NPAS2: variants seen among roughly 807,000 people sequenced by gnomAD.
NPAS2 encodes neuronal PAS domain-containing protein 2.
Under a neutral mutation model 107.5 loss-of-function variants are expected in NPAS2, and 23 were observed. The ratio of observed to expected loss-of-function variants is 0.21; its 90% CI spans 0.15 to 0.30. The LOEUF (loss-of-function observed/expected upper bound fraction) is 0.30. NPAS2 is among the 10% of genes least tolerant of loss of function. The pLI is 1.00. For missense variants in NPAS2, 756 were observed against 1,043.3 expected (o/e 0.72, Z 3.79); for synonymous variants, 403 against 417.5 (o/e 0.97, Z 0.42).
intron 16 of NPAS2, chr2:100,984,910 T>G (rs992949086): frequency 1.3e-5 from 2 of 152,162 alleles, no homozygotes; most frequent in Admixed American, 6.5e-5. Flanking sequence ...GAAGAAGTCC[T>G]GAAGGGCTGT....
intron 2 of NPAS2, among the ~76,000 whole-genome samples, chr2:100,920,260 C>T (rs771240987): frequency 2.0e-5 from 3 of 152,030 alleles, no homozygotes; most frequent in South Asian, 2.1e-4. Context: ...TTAATAATAA[C>T]GTACAGTGTT....
intron 5 of NPAS2, among the ~76,000 whole-genome samples, chr2:100,941,332 G>C (rs1674563859): frequency 2.0e-5 from 3 of 152,236 alleles, no homozygotes; most frequent in Admixed American, 2.0e-4. Flanking sequence ...GGGAGACTGA[G>C]CTGGGTGGAT....
intron 1 of NPAS2, among the ~76,000 whole-genome samples, chr2:100,850,606 A>G (rs1203494682): frequency 1.3e-5 from 2 of 152,172 alleles, no homozygotes; most frequent in Non-Finnish European, 2.9e-5. Context: ...CACTGGATGA[A>G]TGGATAAATA....
chr2:100,989,092 G>T (rs1414211397), intron 17 of NPAS2: 2 of 166,334 alleles, frequency 1.2e-5, no homozygotes, highest in East Asian at 1.9e-4. Flanking sequence ...GGACAAAATC[G>T]CCAGCAGATA....
intron 10 of NPAS2, among the ~76,000 whole-genome samples, chr2:100,967,747 G>A (rs1198281445): frequency 6.6e-6 from 1 of 152,124 alleles, no homozygotes; most frequent in Non-Finnish European, 1.5e-5. Context: ...CACTATGGGG[G>A]GGCTGCAAGC....
intron 1 of NPAS2, among the ~76,000 whole-genome samples, chr2:100,865,629 C>T (rs187218571): frequency 2.2e-4 from 33 of 152,132 alleles, no homozygotes; most frequent in Non-Finnish European, 3.7e-4. Context: ...TGTTGAAAAT[C>T]CACCTTCTGA....
At chr2:100,955,137 C>T (rs1675494375) in intron 7 of NPAS2, among the ~76,000 whole-genome samples, 2 of 152,108 alleles carry the variant, frequency 1.3e-5, no homozygotes, top group African/African-American at 4.8e-5. Flanking sequence ...GGCCTATCTG[C>T]TGTATTTTTA....
intron 4 of NPAS2, among the ~76,000 whole-genome samples, chr2:100,933,585 A>G (rs917873756): frequency 2.0e-5 from 3 of 151,918 alleles, no homozygotes; most frequent in African/African-American, 7.3e-5. Context: ...GAGGCCCCAT[A>G]CTCATCTACA....
rs77169462 is a variant in NPAS2, at chr2:100,884,798, A to G, written c.-22-19935A>G. Among the ~76,000 whole-genome samples the G allele has an allele frequency of 4.3e-4, 66 of 152,298 alleles. No individual in the cohort carries two copies. The East Asian group carries it at 0.012, about 29-fold the overall frequency. ...CAAAGGAGTGATTTAGTAAGAGTAT[A>G]GGTAAAGAAGGGAGAAAATATTAGT... On this transcript the variant is annotated intron_variant, in intron 1 of 20. Transcript: ENST00000335681.
In NPAS2 at chr2:100,908,331, C is replaced by T. The variant is rs1275519503; in HGVS notation, c.32+3545C>T. Among the ~76,000 whole-genome samples, 4 of 152,030 alleles carry T rather than the reference C, an allele frequency of 2.6e-5. No individual in the cohort carries two copies. In the East Asian group the frequency reaches 5.8e-4, roughly 22 times the overall value. On this transcript the variant is annotated intron_variant, in intron 2 of 20. Coordinates refer to ENST00000335681, the MANE Select transcript of NPAS2 (RefSeq NM_002518.4). The stretch of plus-strand genomic sequence containing the variant: ...CAGAGCGCTCACAGCCTGCCTGGAG[C>T]ATTTTACATGCAGTAATTCTCCAAG...
At chr2:100,964,331 C>T (rs980913853) in intron 8 of NPAS2, among the ~76,000 whole-genome samples, 155 bp downstream of exon 8, 3 of 152,206 alleles carry the variant, frequency 2.0e-5, no homozygotes, top group South Asian at 2.1e-4. Context: ...CCTGCACACA[C>T]GCCCTTTCCC....
At chr2:100,948,803 A>G (rs967693401) in intron 6 of NPAS2, among the ~76,000 whole-genome samples, 4 of 152,200 alleles carry the variant, frequency 2.6e-5, no homozygotes, top group African/African-American at 9.6e-5. Context: ...GGTTATTTAT[A>G]TACATTTTTG....
At chr2:100,945,324 G>T (rs78622638) in intron 5 of NPAS2, among the ~76,000 whole-genome samples, 1 of 152,056 alleles carries the variant, frequency 6.6e-6, no homozygotes, top group Non-Finnish European at 1.5e-5. Context: ...GCTTCCCAAC[G>T]TGTCTTCCCC....
chr2:100,904,711 A>ATTTTT (rs57350721), intron 1 of NPAS2, 22 bp from the exon 2 acceptor site: 21 of 1,267,794 alleles, frequency 1.7e-5, no homozygotes, highest in Middle Eastern at 2.0e-4. Flanking sequence ...ATTCTTTTTA[A>ATTTTT]TTTTTTTTTT....
In NPAS2 at chr2:100,861,582, G is replaced by C. The variant is rs545002605; in HGVS notation, c.-23+41168G>C. On this transcript the variant is annotated intron_variant, in intron 1 of 20. Coordinates refer to ENST00000335681, the MANE Select transcript of NPAS2 (RefSeq NM_002518.4). ...TGTCAGCCAGGCAGTCATGTGAGGGGCAGGTGGGCTCAGGGGTCTGGGACA... is the reference window on the plus strand; with the variant it reads ...TGTCAGCCAGGCAGTCATGTGAGGGCCAGGTGGGCTCAGGGGTCTGGGACA... Among the ~76,000 whole-genome samples the C allele has an allele frequency of 2.6e-5, 4 of 152,258 alleles. No individual in the cohort carries two copies. In the East Asian group the frequency reaches 7.7e-4, roughly 29 times the overall value.
chr2:100,879,441 C>T (rs1445470141), intron 1 of NPAS2, among the ~76,000 whole-genome samples: 1 of 151,968 alleles, frequency 6.6e-6, no homozygotes, highest in Non-Finnish European at 1.5e-5. Flanking sequence ...GCCTTGCTGA[C>T]CCCCCCTCAC....
chr2:100,910,832 GTCT>G (rs745672129), intron 2 of NPAS2, among the ~76,000 whole-genome samples: 15 of 152,158 alleles, frequency 9.9e-5, no homozygotes, highest in African/African-American at 3.4e-4. Flanking sequence ...CCAGCCTAAT[GTCT>G]TCTTCTTACA....
intron 11 of NPAS2, among the ~76,000 whole-genome samples, chr2:100,970,220 A>C (rs1676458469): frequency 6.6e-6 from 1 of 152,160 alleles, no homozygotes; most frequent in Admixed American, 6.5e-5. Flanking sequence ...ACCCCCAGGG[A>C]AGGCTGGGCA....
At chr2:100,836,856 G>T (rs1012856102) in intron 1 of NPAS2, among the ~76,000 whole-genome samples, 1 of 152,186 alleles carries the variant, frequency 6.6e-6, no homozygotes, top group African/African-American at 2.4e-5. Context: ...GAAATGTGTG[G>T]TCAGAAATAT....
Sources: allele counts gnomAD v4.1 joint callset (sites outside exome capture counted in the v4.1 genomes callset), GRCh38; gene constraint gnomAD v4.1.1; transcripts MANE v1.5; gene names NCBI Gene and HGNC (gene_info 2026-07-23, HGNC 2026-07-21).